ROBO2: variants seen among roughly 807,000 people sequenced by gnomAD.
ROBO2 encodes the protein roundabout guidance receptor 2.
In ROBO2, 53 loss-of-function variants were observed where a neutral mutation model predicts 160.8. The observed-to-expected ratio is 0.33, with a 90% CI of 0.26 to 0.41. The LOEUF (loss-of-function observed/expected upper bound fraction) is 0.41, where lower values mean the gene tolerates loss of function less well. Ranked by LOEUF, ROBO2 falls within the 10% of genes least tolerant of loss-of-function variation. The pLI is 1.00. For missense variants in ROBO2, 1,577 were observed against 1,722.4 expected, an observed-to-expected ratio of 0.92 and a Z score of 1.49; for synonymous variants, 664 against 611.7, an observed-to-expected ratio of 1.09 and a Z score of -1.26.
In ROBO2 at chr3:77,116,704, G is replaced by T. The variant is rs1395553184; in HGVS notation, c.388+18364G>T. Among the ~76,000 whole-genome samples the T allele has an allele frequency of 2.6e-5, 4 of 152,220 alleles. No homozygotes were observed. The East Asian group carries it at 7.7e-4, about 29-fold the overall frequency. On this transcript the variant is annotated intron_variant, in intron 2 of 25. Transcript: ENST00000461745. ...ATGGAAAGGGGTAGAGATGATGGATGCAGGTATTTTCTTGCCTTTGGCTAC... is the reference window on the plus strand; with the variant it reads ...ATGGAAAGGGGTAGAGATGATGGATTCAGGTATTTTCTTGCCTTTGGCTAC...
chr3:76,874,542 C>T (rs1047892644), intron 2 of ROBO2, among the ~76,000 whole-genome samples: 6 of 152,230 alleles, frequency 3.9e-5, no homozygotes, highest in African/African-American at 1.2e-4. Context: ...AGCAGAGGGG[C>T]CATGGTGCCT....
At chr3:75,941,679 A>C (rs1948061132) in intron 2 of ROBO2, among the ~76,000 whole-genome samples, 1 of 152,170 alleles carries the variant, frequency 6.6e-6, no homozygotes, top group African/African-American at 2.4e-5. Context: ...TGGGTCAGCT[A>C]TTAAGCAGTC....
chr3:76,116,818 C>T (rs1234100380), intron 2 of ROBO2, among the ~76,000 whole-genome samples: 1 of 152,148 alleles, frequency 6.6e-6, no homozygotes, highest in Non-Finnish European at 1.5e-5. Context: ...CAGACACTTT[C>T]CTCACCCTTA....
At chr3:76,597,516 C>G (rs913586749) in intron 2 of ROBO2, among the ~76,000 whole-genome samples, 1 of 151,880 alleles carries the variant, frequency 6.6e-6, no homozygotes, top group Non-Finnish European at 1.5e-5. Flanking sequence ...TATTCAACAT[C>G]TTGTCATCAG....
intron 2 of ROBO2, among the ~76,000 whole-genome samples, chr3:77,308,590 T>A (rs2063292694): frequency 6.6e-6 from 1 of 152,160 alleles, no homozygotes; most frequent in Non-Finnish European, 1.5e-5. Flanking sequence ...ATTTAAATAG[T>A]ACCAGTTCTG....
At chr3:77,556,414 A>G (rs2153657545) in intron 8 of ROBO2, among the ~76,000 whole-genome samples, 1 of 152,000 alleles carries the variant, frequency 6.6e-6, no homozygotes, top group Non-Finnish European at 1.5e-5. Context: ...AGGTTTTATC[A>G]CTGATAAAAT....
At chr3:76,854,800 T>A (rs2069862638) in intron 2 of ROBO2, among the ~76,000 whole-genome samples, 1 of 152,274 alleles carries the variant, frequency 6.6e-6, no homozygotes, top group African/African-American at 2.4e-5. Flanking sequence ...TGTATTTTTT[T>A]AAATCATAAA....
At chr3:76,773,273 T>C (rs2062028563) in intron 2 of ROBO2, among the ~76,000 whole-genome samples, 1 of 149,010 alleles carries the variant, frequency 6.7e-6, no homozygotes, top group Non-Finnish European at 1.5e-5. Flanking sequence ...ATTAATAAAC[T>C]GTTATATTTA....
At position 76,592,258 on chromosome 3, in the gene ROBO2, T is replaced by C. The variant is rs2086460279; in HGVS notation, c.110-505756T>C. 2.0e-5 allele frequency among the ~76,000 whole-genome samples: 3 copies of C among 151,978 alleles called. 1 individual carries two copies. Among genetic ancestry groups the C allele is most frequent in the Admixed American group, 1.3e-4 (2 of 15,248 alleles). On this transcript the variant is annotated intron_variant, in intron 2 of 26. Transcript: ENST00000487694. ...TAATTTAACATGTACCAGTTTAGGG[T>C]TGTTTTCCCTGTACAGATAATTTAT...
chr3:76,218,317 G>A (rs939727544), intron 2 of ROBO2, among the ~76,000 whole-genome samples: 2 of 152,064 alleles, frequency 1.3e-5, no homozygotes, highest in African/African-American at 4.8e-5. Context: ...GGCCAGGTCA[G>A]TCAGGCAGGA....
chr3:76,224,205 G>A (rs887972781), intron 2 of ROBO2, among the ~76,000 whole-genome samples: 4 of 152,188 alleles, frequency 2.6e-5, no homozygotes, highest in Non-Finnish European at 5.9e-5. Context: ...TTTTGAGAAT[G>A]AGTTTTCTGA....
chr3:77,284,358 G>T (rs1008101872), intron 2 of ROBO2, among the ~76,000 whole-genome samples: 1 of 152,130 alleles, frequency 6.6e-6, no homozygotes, highest in African/African-American at 2.4e-5. Flanking sequence ...GTAATATAAA[G>T]ACACCGATGG....
chr3:76,447,592 C>T (rs1023804088), intron 2 of ROBO2, among the ~76,000 whole-genome samples: 6 of 149,852 alleles, frequency 4.0e-5, no homozygotes, highest in Non-Finnish European at 7.4e-5. Context: ...CACAGGCACA[C>T]GTATGTATAT....
At chr3:77,344,146 G>A (rs1484490264) in intron 2 of ROBO2, among the ~76,000 whole-genome samples, 1 of 152,122 alleles carries the variant, frequency 6.6e-6, no homozygotes, top group South Asian at 2.1e-4. Flanking sequence ...GGTCAGAGAG[G>A]TCCTCCTGAG....
chr3:77,580,065 C>T, exon 16 of ROBO2: 1 of 1,613,832 alleles, frequency 6.2e-7, no homozygotes, highest in Non-Finnish European at 8.5e-7. Context: ...GAGGTTGCAG[C>T]TAGTACCAGT....
intron 2 of ROBO2, among the ~76,000 whole-genome samples, chr3:76,232,459 G>C (rs947836232): frequency 7.2e-5 from 11 of 152,132 alleles, no homozygotes; most frequent in Non-Finnish European, 1.2e-4. Context: ...ATAACAGTAA[G>C]ACAGTTGTTT....
At position 75,974,766 on chromosome 3, in the gene ROBO2, AAG is replaced by A. The variant is rs139259468; in HGVS notation, c.109+37167_109+37168del. Reference sequence around the variant, plus strand: ...GTTGTAAATTTCCATATTGCACAATAAGAGGCAGTTTTGAGAGGCTAAAATAT... The same window carrying A: ...GTTGTAAATTTCCATATTGCACAATAAGGCAGTTTTGAGAGGCTAAAATAT... On this transcript the variant is annotated intron_variant, in intron 2 of 26. Coordinates refer to the ROBO2 transcript ENST00000487694. Among the ~76,000 whole-genome samples the A allele has an allele frequency of 6.7e-3, 1,013 of 151,694 alleles. 64 individuals are homozygous for A. In the East Asian group the frequency reaches 0.17, roughly 25 times the overall value.
At position 77,040,893 on chromosome 3, in the gene ROBO2, A is replaced by G. The variant is rs565019434; in HGVS notation, c.61+47A>G. ...CTTTTTTTGCGCCCCCCACCCCCCAATCCCCCAAAACCATTTCTTTTTGAA... is the reference window on the plus strand; with the variant it reads ...CTTTTTTTGCGCCCCCCACCCCCCAGTCCCCCAAAACCATTTCTTTTTGAA... On this transcript the variant is annotated intron_variant, in intron 1 of 25. Coordinates refer to ENST00000461745, the Ensembl canonical transcript of ROBO2. 1.7e-5 allele frequency: 26 copies of G among 1,508,888 alleles called. 1 individual carries two copies. The South Asian group carries it at 2.9e-4, about 17-fold the overall frequency. 93.5% of individuals were successfully genotyped at this position (1,508,888 alleles called of 1,614,324 possible). A position where few individuals can be genotyped will look rare whatever the true frequency, so the allele number is the denominator to read the frequency against.
At chr3:76,536,837 A>G (rs2082533811) in intron 2 of ROBO2, among the ~76,000 whole-genome samples, 1 of 152,106 alleles carries the variant, frequency 6.6e-6, no homozygotes, top group Admixed American at 6.6e-5. Context: ...TCTGATGAGA[A>G]AGAGCCCAGA....
Sources: allele counts gnomAD v4.1 joint callset (sites outside exome capture counted in the v4.1 genomes callset), GRCh38; gene constraint gnomAD v4.1.1; transcripts MANE v1.5; gene names NCBI Gene and HGNC (gene_info 2026-07-23, HGNC 2026-07-21).